Variants in KCNQ3 observed in about 807,000 individuals in gnomAD.
The protein encoded by KCNQ3 is potassium voltage-gated channel subfamily Q member 3.
Under a neutral mutation model 92.5 loss-of-function variants are expected in KCNQ3, and 30 were observed. The ratio of observed to expected loss-of-function variants is 0.32; its 90% CI spans 0.24 to 0.44. The LOEUF is 0.44. Among genes scored for constraint, KCNQ3 ranks in the 20% least tolerant of loss-of-function variants. The pLI is 1.00. For missense variants in KCNQ3, 913 were observed against 1,140.3 expected (o/e 0.80, Z 2.87); for synonymous variants, 450 against 468.8 (o/e 0.96, Z 0.52).
Position 132,124,824 on chromosome 8 carries a change from C to A in KCNQ3, c.*4438G>T, listed in dbSNP as rs1824611219. 1 of 152,126 alleles carries A rather than the reference C, an allele frequency of 6.6e-6. No individual in the cohort carries two copies. Among genetic ancestry groups the A allele is most frequent in the South Asian group, 2.1e-4 (1 of 4,814 alleles). The allele number at this position is 152,126 out of a possible 1,614,324, so 9.4% of individuals were successfully genotyped here. On this transcript the variant is annotated 3_prime_UTR_variant, in exon 15 of 15. Coordinates refer to ENST00000388996, the MANE Select transcript of KCNQ3 (RefSeq NM_004519.4). ...AGAATCTTTGGTTATTCATGAAAACCAAATACCAGCTATGTGGCATCTTCT... is the reference window on the plus strand; with the variant it reads ...AGAATCTTTGGTTATTCATGAAAACAAAATACCAGCTATGTGGCATCTTCT...
chr8:132,437,082 A>T lies in KCNQ3; in HGVS notation c.386+43065T>A, dbSNP rs1821413581. On this transcript the variant is annotated intron_variant, in intron 1 of 14. Coordinates refer to ENST00000388996, the MANE Select transcript of KCNQ3 (RefSeq NM_004519.4). ...ATCACGAGGTCAGGAGATCGAGACC[A>T]TCCTGGCTAACACGGTGAAACCCCG... 4.6e-5 allele frequency among the ~76,000 whole-genome samples: 7 copies of T among 151,842 alleles called. 1 individual carries two copies. The South Asian group carries it at 1.5e-3, about 32-fold the overall frequency.
At chr8:132,446,286 T>C (rs1335926282) in intron 1 of KCNQ3, among the ~76,000 whole-genome samples, 1 of 152,176 alleles carries the variant, frequency 6.6e-6, no homozygotes, top group Admixed American at 6.5e-5. Flanking sequence ...ACCCAATTAA[T>C]AACTAATTTT....
intron 1 of KCNQ3, among the ~76,000 whole-genome samples, chr8:132,375,102 A>G (rs542442403): frequency 1.3e-5 from 2 of 152,276 alleles, no homozygotes; most frequent in South Asian, 4.2e-4. Context: ...GAAGAAAGCT[A>G]ACCTTGAATC....
chr8:132,425,850 G>A (rs1215280046), intron 1 of KCNQ3, among the ~76,000 whole-genome samples: 2 of 152,230 alleles, frequency 1.3e-5, no homozygotes, highest in Admixed American at 6.5e-5. Context: ...AGTCTTGGCT[G>A]TATTCAGTCC....
intron 1 of KCNQ3, among the ~76,000 whole-genome samples, chr8:132,230,385 C>T (rs1024525948): frequency 6.6e-6 from 1 of 151,754 alleles, no homozygotes; most frequent in Non-Finnish European, 1.5e-5. Context: ...TTCCATTTTC[C>T]CAGCCTGTCA....
chr8:132,329,329 G>A (rs1217730106), intron 1 of KCNQ3, among the ~76,000 whole-genome samples: 1 of 152,154 alleles, frequency 6.6e-6, no homozygotes, highest in Non-Finnish European at 1.5e-5. Flanking sequence ...CTGCAACCCA[G>A]GTAACGAGGT....
intron 1 of KCNQ3, among the ~76,000 whole-genome samples, chr8:132,462,504 T>A (rs905127047): frequency 1.3e-5 from 2 of 152,216 alleles, no homozygotes; most frequent in Non-Finnish European, 2.9e-5. Context: ...TGTACACTTT[T>A]AAATGGTAAG....
rs1821860484 is a variant in KCNQ3, at chr8:132,453,160, G to C, written c.386+26987C>G. Among the ~76,000 whole-genome samples, 2 of 152,314 alleles carry C rather than the reference G, an allele frequency of 1.3e-5. 1 individual carries two copies. The highest frequency in any genetic ancestry group is 1.3e-4 in the Admixed American group (2 of 15,310). ...CTAGGAAGGGCCATGGTGATCTGGA[G>C]AGCAGAATGCTGGGGAATGGCTGGT... On this transcript the variant is annotated intron_variant, in intron 1 of 14. Transcript: ENST00000388996.
intron 1 of KCNQ3, among the ~76,000 whole-genome samples, chr8:132,236,857 T>C (rs1419668678): frequency 6.6e-6 from 1 of 152,208 alleles, no homozygotes; most frequent in African/African-American, 2.4e-5. Context: ...GCTCTGAAGA[T>C]GAAGGGGACC....
chr8:132,364,901 G>C (rs1819276382), intron 1 of KCNQ3, among the ~76,000 whole-genome samples: 1 of 152,102 alleles, frequency 6.6e-6, no homozygotes, highest in South Asian at 2.1e-4. Flanking sequence ...TTGTGAAGTA[G>C]GTACTATTAT....
At chr8:132,169,688 C>T (rs1043250594) in intron 8 of KCNQ3, among the ~76,000 whole-genome samples, 1 of 152,114 alleles carries the variant, frequency 6.6e-6, no homozygotes, top group African/African-American at 2.4e-5. Context: ...TTGATCGGAC[C>T]TTTCCTTATC....
chr8:132,272,797 A>C (rs1816193685), intron 1 of KCNQ3, among the ~76,000 whole-genome samples: 1 of 152,206 alleles, frequency 6.6e-6, no homozygotes, highest in African/African-American at 2.4e-5. Context: ...GTTAAAATTC[A>C]AGATGAGATT....
chr8:132,345,573 C>T (rs1818662652), intron 1 of KCNQ3, among the ~76,000 whole-genome samples: 1 of 152,224 alleles, frequency 6.6e-6, no homozygotes, highest in African/African-American at 2.4e-5. Context: ...ACAGTGAGAG[C>T]ACATACTTTG....
In KCNQ3 at chr8:132,229,367, A is replaced by G. The variant is rs140136624; in HGVS notation, c.387-43186T>C. On this transcript the variant is annotated intron_variant, in intron 1 of 14. Transcript: ENST00000388996. ...TTGATGACTCAACCAAGCCAGTGGCAATGGACAGCAAGAGGCTGTGGGCAA... is the reference window on the plus strand; with the variant it reads ...TTGATGACTCAACCAAGCCAGTGGCGATGGACAGCAAGAGGCTGTGGGCAA... Among the ~76,000 whole-genome samples, 1,052 of 152,248 alleles carry G rather than the reference A, an allele frequency of 6.9e-3. 14 individuals are homozygous for G. The highest frequency in any genetic ancestry group is 0.024 in the African/African-American group (989 of 41,550).
At chr8:132,258,850 GA>G (rs1815680289) in intron 1 of KCNQ3, among the ~76,000 whole-genome samples, 1 of 151,908 alleles carries the variant, frequency 6.6e-6, no homozygotes, top group Admixed American at 6.6e-5. Flanking sequence ...GAAATAAAGA[GA>G]ATTATAAGAA....
At chr8:132,211,644 AT>A (rs546769673) in intron 1 of KCNQ3, among the ~76,000 whole-genome samples, 18 of 151,944 alleles carry the variant, frequency 1.2e-4, no homozygotes, top group South Asian at 2.1e-4. Context: ...TCATAAGTCT[AT>A]TTTTTTTATT....
At chr8:132,182,169 T>C (rs994288971) in intron 3 of KCNQ3, among the ~76,000 whole-genome samples, 3 of 152,202 alleles carry the variant, frequency 2.0e-5, no homozygotes, top group African/African-American at 7.2e-5. Context: ...AACCTCTGGA[T>C]ACTGATACAT....
chr8:132,157,777 G>A (rs1470046717), intron 9 of KCNQ3, among the ~76,000 whole-genome samples: 2 of 151,856 alleles, frequency 1.3e-5, no homozygotes, highest in African/African-American at 2.4e-5. Flanking sequence ...CATCATCTAC[G>A]TTTTAAGCCC....
intron 14 of KCNQ3, 126 bp from the exon 15 acceptor site, chr8:132,130,122 A>G: frequency 8.6e-7 from 1 of 1,157,984 alleles, no homozygotes; most frequent in Non-Finnish European, 1.2e-6. Context: ...TCAGTCTGTC[A>G]CCCAGGCTGG....
Sources: gnomAD v4.1 joint callset for allele counts (sites outside exome capture counted in the v4.1 genomes callset) on GRCh38, gnomAD v4.1.1 for gene constraint, MANE v1.5 for transcripts, NCBI Gene and HGNC (gene_info 2026-07-23, HGNC 2026-07-21) for gene names.